Variants in EXOC4 observed in about 807,000 individuals in gnomAD.
EXOC4 encodes SEC8-like 1.
In EXOC4, 71 loss-of-function variants were observed where a neutral mutation model predicts 107.2. The ratio of observed to expected loss-of-function variants is 0.66; its 90% CI spans 0.55 to 0.81. EXOC4 has a LOEUF of 0.81. Ranked by LOEUF, EXOC4 falls within the 30% of genes least tolerant of loss-of-function variation. EXOC4 has a pLI of 0.00. For missense variants in EXOC4, 1,108 were observed against 1,189.6 expected (o/e 0.93, Z 1.01); for synonymous variants, 456 against 441.2 (o/e 1.03, Z -0.42).
intron 14 of EXOC4, among the ~76,000 whole-genome samples, chr7:133,982,140 T>C (rs1218405644): frequency 6.6e-6 from 1 of 152,124 alleles, no homozygotes; most frequent in African/African-American, 2.4e-5. Context: ...AAATAACTAC[T>C]GGGTATTAGG....
chr7:133,999,958 A>G (rs1794494613), intron 15 of EXOC4, among the ~76,000 whole-genome samples: 1 of 152,328 alleles, frequency 6.6e-6, no homozygotes. Flanking sequence ...ATCTTCTTCA[A>G]CATTAGTCTA....
intron 5 of EXOC4, among the ~76,000 whole-genome samples, chr7:133,337,695 G>A (rs547150201): frequency 3.5e-5 from 5 of 143,026 alleles, no homozygotes; most frequent in South Asian, 2.2e-4. Context: ...GTACAGTGGC[G>A]CGATCTTGGC....
intron 10 of EXOC4, among the ~76,000 whole-genome samples, chr7:133,663,870 C>G (rs983696005): frequency 6.6e-6 from 1 of 152,138 alleles, no homozygotes; most frequent in Non-Finnish European, 1.5e-5. Context: ...CATTTTGGCA[C>G]AGAACTTTTT....
intron 10 of EXOC4, among the ~76,000 whole-genome samples, chr7:133,779,865 AC>A (rs1796424965): frequency 7.2e-6 from 1 of 139,694 alleles, no homozygotes; most frequent in African/African-American, 2.7e-5. Context: ...AAACCTGGCC[AC>A]CCCAGCCAGC....
chr7:133,574,297 A>T (rs1003315791), intron 9 of EXOC4, among the ~76,000 whole-genome samples: 2 of 152,216 alleles, frequency 1.3e-5, no homozygotes, highest in East Asian at 1.9e-4. Flanking sequence ...TATGAACTCT[A>T]TATACATACA....
At chr7:133,353,255 C>T (rs1795950722) in intron 5 of EXOC4, among the ~76,000 whole-genome samples, 1 of 152,052 alleles carries the variant, frequency 6.6e-6, no homozygotes, top group Non-Finnish European at 1.5e-5. Context: ...CTTCTAGTTA[C>T]TGTCTAATGT....
At chr7:133,975,085 TTGTTTA>T (rs537744928) in intron 14 of EXOC4, among the ~76,000 whole-genome samples, 4 of 152,194 alleles carry the variant, frequency 2.6e-5, no homozygotes, top group African/African-American at 9.6e-5. Context: ...TTCACCATCC[TTGTTTA>T]TAAGTACAGT....
chr7:133,642,563 C>A (rs1274414926), intron 10 of EXOC4, among the ~76,000 whole-genome samples: 1 of 152,154 alleles, frequency 6.6e-6, no homozygotes, highest in East Asian at 1.9e-4. Context: ...TCAAATTTAT[C>A]CATTCCCTGC....
intron 1 of EXOC4, among the ~76,000 whole-genome samples, chr7:133,272,991 T>G (rs1793907866): frequency 6.6e-6 from 1 of 152,098 alleles, no homozygotes; most frequent in Non-Finnish European, 1.5e-5. Context: ...GGAGCGGAAA[T>G]CATGAAAAGC....
intron 7 of EXOC4, among the ~76,000 whole-genome samples, chr7:133,462,434 A>G (rs1358978809): frequency 6.6e-6 from 1 of 152,206 alleles, no homozygotes; most frequent in Non-Finnish European, 1.5e-5. Context: ...AGGGGAAGTG[A>G]CATAAAAAGA....
intron 14 of EXOC4, among the ~76,000 whole-genome samples, chr7:133,970,390 T>G (rs1801177935): frequency 6.6e-6 from 1 of 151,152 alleles, no homozygotes; most frequent in Admixed American, 6.6e-5. Flanking sequence ...ACCACTGTGG[T>G]ATGAAAAAAA....
At chr7:133,689,139 A>T (rs2151075582) in intron 10 of EXOC4, among the ~76,000 whole-genome samples, 1 of 152,272 alleles carries the variant, frequency 6.6e-6, no homozygotes, top group South Asian at 2.1e-4. Context: ...AGAGGTGATT[A>T]TTCATGATCA....
At chr7:133,573,469 C>G (rs1274086024) in intron 9 of EXOC4, among the ~76,000 whole-genome samples, 1 of 152,142 alleles carries the variant, frequency 6.6e-6, no homozygotes, top group Non-Finnish European at 1.5e-5. Context: ...ATCTCTGGTC[C>G]TCTACTTAGG....
intron 9 of EXOC4, among the ~76,000 whole-genome samples, chr7:133,530,903 T>C (rs1800170143): frequency 6.6e-6 from 1 of 152,180 alleles, no homozygotes; most frequent in Non-Finnish European, 1.5e-5. Context: ...TGTCATATGG[T>C]TTGGCAAATT....
In EXOC4 at chr7:133,406,746, G is replaced by A. The variant is rs537334651; in HGVS notation, c.1182+31744G>A. ...GCTTCTGCAGAAAGTTTTCATTTAG[G>A]CAACAGTCATTGATATTGACAGTGT... On this transcript the variant is annotated intron_variant, in intron 7 of 17. Coordinates refer to ENST00000253861, the MANE Select transcript of EXOC4 (RefSeq NM_021807.4). Among the ~76,000 whole-genome samples, 214 of 152,232 alleles carry A rather than the reference G, an allele frequency of 1.4e-3. 8 individuals carry two copies. In the South Asian group the frequency reaches 0.042, roughly 30 times the overall value.
At chr7:133,479,939 G>T (rs1472022285) in intron 8 of EXOC4, 111 bp from the exon 9 acceptor site, 7 of 896,068 alleles carry the variant, frequency 7.8e-6, no homozygotes, top group Non-Finnish European at 1.8e-6. Context: ...CTTCATCACG[G>T]AACATCGGGG....
At chr7:134,067,632 TATATATACACACACACAC>T (rs1339740235), downstream of EXOC4, among the ~76,000 whole-genome samples, 4 of 98,538 alleles carry the variant, frequency 4.1e-5, no homozygotes, top group African/African-American at 1.2e-4. Context: ...CTCTTATATA[TATATATACACACACACAC>T]ACACACACAC....
intron 11 of EXOC4, among the ~76,000 whole-genome samples, chr7:133,873,143 T>G (rs935463629): frequency 6.6e-6 from 1 of 152,192 alleles, no homozygotes; most frequent in African/African-American, 2.4e-5. Flanking sequence ...ACCCCATCTC[T>G]ACAAAAAAAT....
chr7:133,539,010 G>T (rs554219299), intron 9 of EXOC4, among the ~76,000 whole-genome samples: 31 of 151,558 alleles, frequency 2.0e-4, no homozygotes, highest in Admixed American at 1.6e-3. Context: ...ATAAACTGCT[G>T]CTGATCTGTC....
Sources: allele counts gnomAD v4.1 joint callset (sites outside exome capture counted in the v4.1 genomes callset), GRCh38; gene constraint gnomAD v4.1.1; transcripts MANE v1.5; gene names NCBI Gene and HGNC (gene_info 2026-07-23, HGNC 2026-07-21).